Variants in ROBO2 observed in about 807,000 individuals in gnomAD.
ROBO2 encodes the protein roundabout guidance receptor 2.
In ROBO2, 53 loss-of-function variants were observed where a neutral mutation model predicts 160.8. The ratio of observed to expected loss-of-function variants is 0.33; its 90% CI spans 0.26 to 0.41. The LOEUF is 0.41. Ranked by LOEUF, ROBO2 falls within the 10% of genes least tolerant of loss-of-function variation. ROBO2 has a pLI of 1.00. For missense variants in ROBO2, 1,577 were observed against 1,722.4 expected (o/e 0.92, Z 1.49); for synonymous variants, 664 against 611.7 (o/e 1.09, Z -1.26).
intron 20 of ROBO2, 125 bp from the exon 22 acceptor site, chr3:77,607,673 T>C (rs2094551091): frequency 1.2e-6 from 1 of 848,724 alleles, no homozygotes; most frequent in Non-Finnish European, 1.9e-6. Context: ...TTTCATTGTT[T>C]ATAGCTTTTA....
At chr3:75,955,933 A>G (rs1948709487) in intron 2 of ROBO2, among the ~76,000 whole-genome samples, 1 of 151,796 alleles carries the variant, frequency 6.6e-6, no homozygotes, top group African/African-American at 2.4e-5. Context: ...TAGTTGTATT[A>G]CAAAAAGTTA....
At chr3:76,787,105 G>A (rs997335194) in intron 2 of ROBO2, among the ~76,000 whole-genome samples, 1 of 151,034 alleles carries the variant, frequency 6.6e-6, no homozygotes, top group African/African-American at 2.4e-5. Flanking sequence ...AGAACAGCAA[G>A]AGGGAAGTCC....
Position 76,895,886 on chromosome 3 carries a change from C to T in ROBO2, c.110-202128C>T, listed in dbSNP as rs567692415. 2.2e-4 allele frequency among the ~76,000 whole-genome samples: 34 copies of T among 152,244 alleles called. No homozygotes were observed. The South Asian group carries it at 6.6e-3, about 30-fold the overall frequency. On this transcript the variant is annotated intron_variant, in intron 2 of 26. Transcript: ENST00000487694. ...CCTTTGTATTTCTCACTTTGCAAAA[C>T]GGCACTGCTTGCTTGTTTGATCTTT...
At chr3:76,170,002 G>A (rs1401746612) in intron 2 of ROBO2, among the ~76,000 whole-genome samples, 3 of 152,020 alleles carry the variant, frequency 2.0e-5, no homozygotes, top group Admixed American at 1.3e-4. Flanking sequence ...GGATGGTCTC[G>A]ATCTCCTGAC....
intron 2 of ROBO2, among the ~76,000 whole-genome samples, chr3:76,647,170 G>T (rs2109813161): frequency 6.6e-6 from 1 of 152,296 alleles, no homozygotes; most frequent in Non-Finnish European, 1.5e-5. Context: ...AGATCTCCGT[G>T]GTGGGTGAGC....
At chr3:77,025,485 G>A (rs2062906925) in intron 2 of ROBO2, among the ~76,000 whole-genome samples, 1 of 152,130 alleles carries the variant, frequency 6.6e-6, no homozygotes, top group African/African-American at 2.4e-5. Flanking sequence ...TGGAAATTTG[G>A]TTAACATGAT....
chr3:77,274,234 G>A (rs2153359645), intron 2 of ROBO2, among the ~76,000 whole-genome samples: 1 of 152,114 alleles, frequency 6.6e-6, no homozygotes, highest in South Asian at 2.1e-4. Context: ...AGTGTTGTAG[G>A]AAAATTAGAA....
At chr3:76,121,305 C>T (rs751263949) in intron 2 of ROBO2, among the ~76,000 whole-genome samples, 8 of 152,018 alleles carry the variant, frequency 5.3e-5, no homozygotes, top group Non-Finnish European at 7.4e-5. Context: ...TTAGGTTCAA[C>T]ATAATAAAGA....
intron 2 of ROBO2, among the ~76,000 whole-genome samples, chr3:76,157,561 T>C (rs537517321): frequency 3.3e-5 from 5 of 152,296 alleles, no homozygotes; most frequent in Non-Finnish European, 5.9e-5. Context: ...GTGGGATTTC[T>C]AGCTAATGTG....
chr3:76,621,283 G>A (rs890008326), intron 2 of ROBO2, among the ~76,000 whole-genome samples: 7 of 152,110 alleles, frequency 4.6e-5, no homozygotes, highest in African/African-American at 1.4e-4. Flanking sequence ...GTATTGCTGT[G>A]TGTACTCATA....
chr3:77,124,799 T>G (rs1006991041), intron 2 of ROBO2, among the ~76,000 whole-genome samples: 6 of 152,124 alleles, frequency 3.9e-5, no homozygotes, highest in African/African-American at 1.4e-4. Flanking sequence ...TTATAATTTC[T>G]TACAGTTTCC....
intron 2 of ROBO2, among the ~76,000 whole-genome samples, chr3:76,805,566 A>G (rs957043204): frequency 6.6e-6 from 1 of 151,894 alleles, no homozygotes; most frequent in Admixed American, 6.6e-5. Context: ...TATTTCATAG[A>G]TTTTGAGAAA....
chr3:76,619,133 G>A (rs1055806175), intron 2 of ROBO2, among the ~76,000 whole-genome samples: 2 of 151,706 alleles, frequency 1.3e-5, no homozygotes, highest in African/African-American at 4.9e-5. Context: ...GAGGTCAGGA[G>A]ATCGAGACCA....
At chr3:77,478,088 G>A (rs2084256603) in intron 3 of ROBO2, among the ~76,000 whole-genome samples, 1 of 151,938 alleles carries the variant, frequency 6.6e-6, no homozygotes, top group Non-Finnish European at 1.5e-5. Flanking sequence ...GCCCCCCAAA[G>A]TGCTTGGATT....
intron 2 of ROBO2, among the ~76,000 whole-genome samples, chr3:77,254,209 A>C (rs1167605211): frequency 2.0e-5 from 3 of 152,208 alleles, no homozygotes; most frequent in Admixed American, 1.3e-4. Flanking sequence ...TAGAGGCTGC[A>C]GTGAACTGTG....
chr3:77,602,520 G>C, intron 20 of ROBO2, 29 bp downstream of exon 21: 7 of 1,611,744 alleles, frequency 4.3e-6, no homozygotes, highest in Non-Finnish European at 5.9e-6. Context: ...TCCTGAGGAG[G>C]TATTTTCATA....
chr3:76,610,568 T>C (rs770030983), intron 2 of ROBO2, among the ~76,000 whole-genome samples: 2 of 152,182 alleles, frequency 1.3e-5, no homozygotes, highest in African/African-American at 4.8e-5. Flanking sequence ...CCAAGAGATG[T>C]TGCAGCTCTT....
At chr3:76,162,810 A>T (rs535701663) in intron 2 of ROBO2, among the ~76,000 whole-genome samples, 1 of 152,134 alleles carries the variant, frequency 6.6e-6, no homozygotes, top group Non-Finnish European at 1.5e-5. Flanking sequence ...CTTATTAGAC[A>T]TCCCTATACT....
chr3:76,213,715 A>G (rs1245564073), intron 2 of ROBO2, among the ~76,000 whole-genome samples: 1 of 152,180 alleles, frequency 6.6e-6, no homozygotes, highest in Non-Finnish European at 1.5e-5. Flanking sequence ...TGTAAAGTCA[A>G]AAAACTTTTA....
Sources: allele counts gnomAD v4.1 joint callset (sites outside exome capture counted in the v4.1 genomes callset), GRCh38; gene constraint gnomAD v4.1.1; transcripts MANE v1.5; gene names NCBI Gene and HGNC (gene_info 2026-07-23, HGNC 2026-07-21).